OTP: variants seen among roughly 807,000 people sequenced by gnomAD.
OTP encodes orthopedia homeobox.
OTP carries 5 observed loss-of-function variants against 22.3 expected under a neutral mutation model. The observed-to-expected ratio is 0.22, with a 90% CI of 0.12 to 0.47. OTP has a LOEUF of 0.47. Ranked by LOEUF, OTP falls within the 20% of genes least tolerant of loss-of-function variation. The pLI is 0.99. For synonymous variants in OTP, 229 were observed against 210.6 expected (o/e 1.09, Z -0.76); for missense variants, 428 against 456.2 (o/e 0.94, Z 0.56).
At chr5:77,633,539 AC>A (rs1744960557) in intron 2 of OTP, among the ~76,000 whole-genome samples, 1 of 152,192 alleles carries the variant, frequency 6.6e-6, no homozygotes, top group Admixed American at 6.5e-5. Flanking sequence ...AAATATATTA[AC>A]CCCAGCCACG....
chr5:77,637,164 C>T lies in OTP; in HGVS notation c.104G>A (p.Gly35Asp), dbSNP rs769218113. ...CCCCGGATGGCCCCCGGGGTCGGAG[C>T]CCCCCACGCCCAGCCTACACTTCAC... The part of the protein sequence containing the change: ...EAVKCRLGVG[G>D]SDPGGHPGDL... The change falls in exon 2 of 3, where the codon GGC becomes GAC. Residue 35 changes from glycine (G) to aspartate (D), a missense_variant. Physicochemically the swap from Gly to Asp is moderately conservative, Grantham distance 94 (BLOSUM62 -1). Coordinates refer to ENST00000306422, the MANE Select transcript of OTP (RefSeq NM_032109.3). 4.4e-6 allele frequency: 7 copies of T among 1,575,492 alleles called. No individual in the cohort carries two copies. The highest frequency in any genetic ancestry group is 2.3e-5 in the East Asian group (1 of 43,346).
chr5:77,636,778 G>T (rs765670559), intron 2 of OTP, 43 bp downstream of exon 2: 3 of 1,568,898 alleles, frequency 1.9e-6, no homozygotes, highest in Middle Eastern at 1.7e-4. Context: ...AAATCCTCCC[G>T]CCCTGTCCTT....
rs769309786 is a variant in OTP, at chr5:77,637,065, G to C, written c.203C>G (p.Ser68Cys). Residue 68 changes from serine (S) to cysteine (C), a missense_variant, in exon 2 of 3, where the codon TCT becomes TGT. Around this residue, in one of 3 missense-constraint regions of OTP, gnomAD observed 176 missense variants for 162.9 expected, o/e 1.08. Coordinates refer to ENST00000306422, the MANE Select transcript of OTP (RefSeq NM_032109.3). ...GCTCACCGCCAGCGAGGCCGGAGTA[G>C]AGCCCACTGTGGTGATGTCCTCCCC... ...LPGEDITTVG[S>C]TPASLAVSAK... The C allele has an allele frequency of 6.2e-7, 1 of 1,613,368 alleles. No homozygotes were observed. The highest frequency in any genetic ancestry group is 1.1e-5 in the South Asian group (1 of 91,050).
chr5:77,636,761 T>G, intron 2 of OTP, 60 bp downstream of exon 2: 1 of 1,533,312 alleles, frequency 6.5e-7, no homozygotes, highest in Non-Finnish European at 8.8e-7. Flanking sequence ...CCCTGCTCCC[T>G]TTGCCCAAAT....
At chr5:77,632,686 A>G (rs1483013404) in intron 2 of OTP, among the ~76,000 whole-genome samples, 2 of 152,038 alleles carry the variant, frequency 1.3e-5, no homozygotes, top group African/African-American at 4.8e-5. Context: ...GCCGTCGCCT[A>G]CCACTTTCTT....
Position 77,630,702 on chromosome 5 carries a change from G to A in OTP, c.540C>T (p.Gly180=), listed in dbSNP as rs755380753. The part of the protein sequence containing the change: ...RAPGTLLPTP[G]LPQFPSAAAA... ...CGGCAGCCGACGGGAACTGAGGCAGGCCTGGCGTGGGCAGCAGTGTGCCGG... is the reference window on the plus strand; with the variant it reads ...CGGCAGCCGACGGGAACTGAGGCAGACCTGGCGTGGGCAGCAGTGTGCCGG... The change falls in exon 3 of 3, where the codon GGC becomes GGT. Residue 180 remains glycine (G), a synonymous_variant. Coordinates refer to ENST00000306422, the MANE Select transcript of OTP (RefSeq NM_032109.3). 6.3e-7 allele frequency: 1 copy of A among 1,584,010 alleles called. No individual in the cohort carries two copies. The highest frequency in any genetic ancestry group is 2.3e-5 in the East Asian group (1 of 44,106).
chr5:77,636,308 T>G (rs1418650862), intron 2 of OTP: 1 of 153,124 alleles, frequency 6.5e-6, no homozygotes, highest in East Asian at 1.9e-4. Flanking sequence ...GGGTGATACT[T>G]AAGGTAATAA....
chr5:77,638,507 A>G lies in OTP; in HGVS notation c.37+6T>C, dbSNP rs1409632174. ...CTGGCTGCCCGGGCGAGAGGCGCGC[A>G]CTCACCTAGCCTGGCGTCCAGGAGG... is the stretch of plus-strand genomic sequence containing the variant. On this transcript the variant is annotated splice_donor_region_variant and intron_variant, in intron 1 of 2. Coordinates refer to ENST00000306422, the MANE Select transcript of OTP (RefSeq NM_032109.3). 2 of 1,574,130 alleles carry G rather than the reference A, an allele frequency of 1.3e-6. No individual in the cohort carries two copies. Among genetic ancestry groups the G allele is most frequent in the Non-Finnish European group, 1.7e-6 (2 of 1,159,512 alleles).
rs1353773923 is a variant in OTP, at chr5:77,636,813, C to A, written c.447+8G>T. On this transcript the variant is annotated splice_region_variant and intron_variant, in intron 2 of 2. Transcript: ENST00000306422. ...TGCCTTCTGTCCCAGATCCCAAGCC[C>A]CTCGTACCTGCACTCGGGACTCGGT... 3 of 1,604,314 alleles carry A rather than the reference C, an allele frequency of 1.9e-6. No homozygotes were observed. Among genetic ancestry groups the A allele is most frequent in the Non-Finnish European group, 2.6e-6 (3 of 1,174,042 alleles).
Position 77,630,693 on chromosome 5 carries a change from C to G in OTP, c.549G>C (p.Gln183His). The change falls in exon 3 of 3, where the codon CAG becomes CAC. Residue 183 changes from glutamine to histidine, a missense_variant. This residue lies in a region of OTP where 236 missense variants were observed against 238.1 expected (regional missense o/e 0.99). Transcript: ENST00000306422. ...GTLLPTPGLP[Q>H]FPSAAAAAAA... ...CAGCGGCGGCGGCAGCCGACGGGAACTGAGGCAGGCCTGGCGTGGGCAGCA... is the reference window on the plus strand; with the variant it reads ...CAGCGGCGGCGGCAGCCGACGGGAAGTGAGGCAGGCCTGGCGTGGGCAGCA... 2 of 1,582,838 alleles carry G rather than the reference C, an allele frequency of 1.3e-6. No individual in the cohort carries two copies. The highest frequency in any genetic ancestry group is 1.7e-6 in the Non-Finnish European group (2 of 1,172,574).
chr5:77,638,411 G>T (rs1745043170), intron 1 of OTP, 102 bp downstream of exon 1: 2 of 1,137,726 alleles, frequency 1.8e-6, no homozygotes, highest in African/African-American at 1.6e-5. Context: ...TACTTTTAAA[G>T]AAATTAGTCC....
chr5:77,637,281 G>T, intron 1 of OTP, 51 bp from the exon 2 acceptor site: 1 of 1,453,358 alleles, frequency 6.9e-7, no homozygotes, highest in Middle Eastern at 2.6e-4. Context: ...ATGCCAGGAG[G>T]GGCTGTCTTC....
intron 2 of OTP, among the ~76,000 whole-genome samples, chr5:77,633,346 T>C (rs536043059): frequency 1.3e-5 from 2 of 152,304 alleles, no homozygotes; most frequent in South Asian, 2.1e-4. Flanking sequence ...AATTTTTTTA[T>C]GTTTCATGGC....
chr5:77,632,677 C>CG (rs1327190237), intron 2 of OTP, among the ~76,000 whole-genome samples: 1 of 152,184 alleles, frequency 6.6e-6, no homozygotes, highest in Non-Finnish European at 1.5e-5. Flanking sequence ...CGTGCCTGCG[C>CG]CGTCGCCTAC....
intron 2 of OTP, 63 bp from the exon 3 acceptor site, chr5:77,630,857 G>C: frequency 6.9e-7 from 1 of 1,456,730 alleles, no homozygotes; most frequent in Non-Finnish European, 9.0e-7. Flanking sequence ...CTGGGGAGTT[G>C]GGGCTTGAGC....
Position 77,637,131 on chromosome 5 carries a change from G to C in OTP, c.137C>G (p.Ala46Gly). ...TCCCTCCACTGGGTCAGAGTTGGGCGCCAGGTCCCCCGGATGGCCCCCGGG... is the reference window on the plus strand; with the variant it reads ...TCCCTCCACTGGGTCAGAGTTGGGCCCCAGGTCCCCCGGATGGCCCCCGGG... Reference protein sequence around the residue: ...SDPGGHPGDLAPNSDPVEGAT... With the variant: ...SDPGGHPGDLGPNSDPVEGAT... The change falls in exon 2 of 3, where the codon GCG becomes GGG. Residue 46 changes from alanine to glycine, a missense_variant. Ala to Gly is a moderately conservative substitution (Grantham distance 60). Around this residue, in one of 3 missense-constraint regions of OTP, gnomAD observed 176 missense variants for 162.9 expected, o/e 1.08. Coordinates refer to ENST00000306422, the MANE Select transcript of OTP (RefSeq NM_032109.3). The C allele has an allele frequency of 6.2e-7, 1 of 1,605,714 alleles. No individual in the cohort carries two copies. Among genetic ancestry groups the C allele is most frequent in the Admixed American group, 1.7e-5 (1 of 58,512 alleles).
Position 77,630,602 on chromosome 5 carries a change from T to TGGC in OTP, c.637_639dup (p.Ala213dup). The TGGC allele has an allele frequency of 6.4e-7, 1 of 1,554,316 alleles. No homozygotes were observed. Among genetic ancestry groups the TGGC allele is most frequent in the East Asian group, 2.4e-5 (1 of 41,872 alleles). On this transcript the variant is annotated inframe_insertion, in exon 3 of 3. Transcript: ENST00000306422. ...AGAGGCAGCTGTGACACGCCAGGCATGGCGGCCGCCGCCCAGCGGGTGTCG... is the reference window on the plus strand; with the variant it reads ...AGAGGCAGCTGTGACACGCCAGGCATGGCGGCGGCCGCCGCCCAGCGGGTGTCG...
chr5:77,632,678 C>G (rs1210623615), intron 2 of OTP, among the ~76,000 whole-genome samples: 1 of 152,162 alleles, frequency 6.6e-6, no homozygotes, highest in Non-Finnish European at 1.5e-5. Context: ...GTGCCTGCGC[C>G]GTCGCCTACC....
intron 1 of OTP, among the ~76,000 whole-genome samples, chr5:77,638,262 A>G (rs77689848): frequency 2.2e-5 from 3 of 138,854 alleles, no homozygotes; most frequent in Non-Finnish European, 4.7e-5. Context: ...AAAAAAAAAA[A>G]GGCGGGGGAG....
Sources: gnomAD v4.1 joint callset for allele counts (sites outside exome capture counted in the v4.1 genomes callset) on GRCh38, gnomAD v4.1.1 for gene constraint, gnomAD v4.1.1 regional missense constraint, MANE v1.5 for transcripts, NCBI Gene and HGNC (gene_info 2026-07-23, HGNC 2026-07-21) for gene names.